XKR4: variants seen among roughly 807,000 people sequenced by gnomAD.
The protein encoded by XKR4 is XK related 4.
In XKR4, 12 loss-of-function variants were observed where a neutral mutation model predicts 53.9. That is an observed-to-expected ratio of 0.22 (90% CI 0.14 to 0.36). The LOEUF (loss-of-function observed/expected upper bound fraction) is 0.36. XKR4 is among the 10% of genes least tolerant of loss of function. The probability of loss-of-function intolerance (pLI) is 1.00; values close to 1 mark genes in which losing one functional copy is unlikely to be tolerated. For missense variants in XKR4, 799 were observed against 859.5 expected, an observed-to-expected ratio of 0.93 and a Z score of 0.88; for synonymous variants, 354 against 362.4, an observed-to-expected ratio of 0.98 and a Z score of 0.26.
chr8:55,479,776 C>T (rs1279950525), intron 2 of XKR4, among the ~76,000 whole-genome samples: 1 of 152,102 alleles, frequency 6.6e-6, no homozygotes, highest in African/African-American at 2.4e-5. Flanking sequence ...AACACCTCTA[C>T]ACAAATAAAC....
chr8:55,145,277 A>C lies in XKR4; in HGVS notation c.806+41983A>C, dbSNP rs749172741. On this transcript the variant is annotated intron_variant, in intron 1 of 2. Coordinates refer to ENST00000327381, the MANE Select transcript of XKR4 (RefSeq NM_052898.2). ...CCACTCACACGCTCTGCAGACATCT[A>C]CTCCATGTCCTTCTCTTCTTGAATG... Among the ~76,000 whole-genome samples the C allele has an allele frequency of 1.2e-3, 186 of 151,812 alleles. 2 individuals carry two copies. Among genetic ancestry groups the C allele is most frequent in the Non-Finnish European group, 1.8e-3 (121 of 67,954 alleles).
At chr8:55,395,175 G>A (rs1233911387) in intron 2 of XKR4, among the ~76,000 whole-genome samples, 1 of 152,090 alleles carries the variant, frequency 6.6e-6, no homozygotes, top group Non-Finnish European at 1.5e-5. Flanking sequence ...GTGATTTTGG[G>A]AGAAGGAAAG....
intron 2 of XKR4, among the ~76,000 whole-genome samples, chr8:55,384,172 C>T (rs1249689559): frequency 6.6e-6 from 1 of 152,124 alleles, no homozygotes; most frequent in African/African-American, 2.4e-5. Context: ...GACAATCTGT[C>T]CTGTGTGCCT....
rs191529213 is a variant in XKR4, at chr8:55,179,912, A to C, written c.806+76618A>C. ...ATATTTTCTTTTCAATGAAAGCTGGAAAATTTAGAGAAGTATTTATAGAAG... is the reference window on the plus strand; with the variant it reads ...ATATTTTCTTTTCAATGAAAGCTGGCAAATTTAGAGAAGTATTTATAGAAG... On this transcript the variant is annotated intron_variant, in intron 1 of 2. Coordinates refer to ENST00000327381, the MANE Select transcript of XKR4 (RefSeq NM_052898.2). Among the ~76,000 whole-genome samples the C allele has an allele frequency of 8.9e-3, 1,362 of 152,320 alleles. 14 individuals carry two copies. The highest frequency in any genetic ancestry group is 0.024 in the Middle Eastern group (7 of 294).
At position 55,178,840 on chromosome 8, in the gene XKR4, C is replaced by T. The variant is rs888689666; in HGVS notation, c.806+75546C>T. Among the ~76,000 whole-genome samples the T allele has an allele frequency of 3.3e-5, 5 of 152,184 alleles. No homozygotes were observed. In the East Asian group the frequency reaches 9.6e-4, roughly 29 times the overall value. On this transcript the variant is annotated intron_variant, in intron 1 of 2. Coordinates refer to ENST00000327381, the MANE Select transcript of XKR4 (RefSeq NM_052898.2). ...CCGCTTATACGTCCTATCTTGCTTC[C>T]TACTGTTGGTTGTCACCATGGCCCC... is the stretch of plus-strand genomic sequence containing the variant.
chr8:55,366,306 G>A (rs1283456687), intron 2 of XKR4, among the ~76,000 whole-genome samples: 8 of 152,212 alleles, frequency 5.3e-5, no homozygotes, highest in African/African-American at 1.2e-4. Context: ...TGTGACTTGC[G>A]TCTGCTCCCA....
At chr8:55,430,615 A>G (rs1805087580) in intron 2 of XKR4, among the ~76,000 whole-genome samples, 1 of 152,194 alleles carries the variant, frequency 6.6e-6, no homozygotes. Flanking sequence ...CTATCCTACT[A>G]TAGCTTTGTA....
At chr8:55,424,777 C>T (rs912083573) in intron 2 of XKR4, among the ~76,000 whole-genome samples, 5 of 152,206 alleles carry the variant, frequency 3.3e-5, no homozygotes, top group African/African-American at 9.7e-5. Flanking sequence ...GAATAGAGTT[C>T]AGTCCCTGTG....
In XKR4 at chr8:55,444,095, T is replaced by C. The variant is rs538233454; in HGVS notation, c.1007-79186T>C. On this transcript the variant is annotated intron_variant, in intron 2 of 2. Transcript: ENST00000327381. ...CTGAGGCACAAGAATCACTTGAACC[T>C]GGGAGGTGGAGGTTGCAGGGAGCTG... Among the ~76,000 whole-genome samples the C allele has an allele frequency of 9.2e-5, 14 of 152,158 alleles. No individual in the cohort carries two copies. The East Asian group carries it at 2.3e-3, about 25-fold the overall frequency.
intron 1 of XKR4, among the ~76,000 whole-genome samples, chr8:55,133,593 G>A (rs907685682): frequency 6.6e-6 from 1 of 152,146 alleles, no homozygotes; most frequent in Admixed American, 6.6e-5. Context: ...TGATACTGGC[G>A]ATTACCAAGT....
chr8:55,263,076 C>T (rs1818550459), intron 1 of XKR4, among the ~76,000 whole-genome samples: 2 of 152,196 alleles, frequency 1.3e-5, no homozygotes, highest in African/African-American at 4.8e-5. Flanking sequence ...TGCCTCAGTT[C>T]AGTTCAGCCC....
In XKR4 at chr8:55,275,010, G is replaced by A. The variant is rs568854672; in HGVS notation, c.807-82668G>A. On this transcript the variant is annotated intron_variant, in intron 1 of 2. Transcript: ENST00000327381. ...CATCTTATTTCCTAGGAAAATATTA[G>A]AAAACTGGAATTTGAAAATCTTATT... Among the ~76,000 whole-genome samples the A allele has an allele frequency of 9.2e-5, 14 of 152,250 alleles. No homozygotes were observed. In the East Asian group the frequency reaches 2.7e-3, roughly 29 times the overall value.
intron 1 of XKR4, among the ~76,000 whole-genome samples, chr8:55,234,091 G>T (rs900511582): frequency 3.3e-5 from 5 of 152,156 alleles, no homozygotes; most frequent in African/African-American, 1.2e-4. Context: ...ATAGATATTA[G>T]CAAAATGTGA....
chr8:55,510,255 C>G (rs1205797815), intron 2 of XKR4, among the ~76,000 whole-genome samples: 1 of 152,084 alleles, frequency 6.6e-6, no homozygotes, highest in Non-Finnish European at 1.5e-5. Context: ...GCAAAGGAGT[C>G]CTTCAGGTGG....
intron 2 of XKR4, among the ~76,000 whole-genome samples, chr8:55,505,805 C>G (rs531379650): frequency 6.6e-6 from 1 of 152,148 alleles, no homozygotes; most frequent in Admixed American, 6.5e-5. Context: ...CCTCTATTTC[C>G]TTATTAATCT....
intron 2 of XKR4, among the ~76,000 whole-genome samples, chr8:55,491,311 C>T (rs371862214): frequency 2.6e-4 from 40 of 152,176 alleles, no homozygotes; most frequent in Admixed American, 1.7e-3. Flanking sequence ...ATGTTTCTAT[C>T]GGCTGATTTT....
intron 2 of XKR4, among the ~76,000 whole-genome samples, chr8:55,379,428 A>C (rs1804200031): frequency 6.6e-6 from 1 of 152,238 alleles, no homozygotes; most frequent in African/African-American, 2.4e-5. Flanking sequence ...TGCTCTTTTT[A>C]GTTTGCAACA....
chr8:55,460,679 A>G (rs974992732), intron 2 of XKR4, among the ~76,000 whole-genome samples: 1 of 152,142 alleles, frequency 6.6e-6, no homozygotes, highest in Non-Finnish European at 1.5e-5. Context: ...AAGCAGGGTG[A>G]GGCATCGCCT....
At chr8:55,103,851 G>T (rs1233756100) in intron 1 of XKR4, among the ~76,000 whole-genome samples, 1 of 106,012 alleles carries the variant, frequency 9.4e-6, no homozygotes. Context: ...AAATGACTTT[G>T]TATATATATA....
Sources: gnomAD v4.1 joint callset for allele counts (sites outside exome capture counted in the v4.1 genomes callset) on GRCh38, gnomAD v4.1.1 for gene constraint, MANE v1.5 for transcripts, NCBI Gene and HGNC (gene_info 2026-07-23, HGNC 2026-07-21) for gene names.